The following CR1L variants were observed in gnomAD, a reference collection of about 807,000 sequenced individuals.
CR1L encodes the protein complement component receptor 1-like protein.
CR1L carries 59 observed loss-of-function variants against 62.3 expected under a neutral mutation model. That is an observed-to-expected ratio of 0.95 (90% CI 0.77 to 1.18). The LOEUF is 1.18. CR1L is among the 50% of genes most tolerant of loss of function. The probability of loss-of-function intolerance (pLI) is 0.00; values close to 1 mark genes in which losing one functional copy is unlikely to be tolerated. For synonymous variants in CR1L, 279 were observed against 248.7 expected (o/e 1.12, Z -1.15); for missense variants, 700 against 702.8 (o/e 1.00, Z 0.04).
At chr1:207,649,879 G>C (rs1481069225) in intron 1 of CR1L, among the ~76,000 whole-genome samples, 2 of 152,198 alleles carry the variant, frequency 1.3e-5, no homozygotes, top group Non-Finnish European at 2.9e-5. Context: ...GGCAAGATAG[G>C]TATGGAGACC....
intron 9 of CR1L, among the ~76,000 whole-genome samples, chr1:207,702,909 C>T (rs1664214408): frequency 6.6e-6 from 1 of 152,144 alleles, no homozygotes; most frequent in Admixed American, 6.5e-5. Context: ...ATGGTGAAAC[C>T]TCATATCTAC....
At chr1:207,715,541 G>A in intron 10 of CR1L, 1 of 473,892 alleles carries the variant, frequency 2.1e-6, no homozygotes, top group Non-Finnish European at 3.9e-6. Flanking sequence ...TTCAAGAAGG[G>A]TCTTGTAGGA....
At chr1:207,655,961 C>T (rs1663303375) in intron 1 of CR1L, among the ~76,000 whole-genome samples, 1 of 151,986 alleles carries the variant, frequency 6.6e-6, no homozygotes, top group African/African-American at 2.4e-5. Context: ...CACTTCTGCC[C>T]GGCGCAGTGG....
chr1:207,714,837 G>T (rs974699039), intron 10 of CR1L, among the ~76,000 whole-genome samples: 2 of 151,960 alleles, frequency 1.3e-5, no homozygotes, highest in African/African-American at 4.8e-5. Context: ...CCTCTTTCTG[G>T]CCTGTTACAT....
chr1:207,707,262 G>A (rs1664281539), intron 9 of CR1L, among the ~76,000 whole-genome samples: 1 of 152,186 alleles, frequency 6.6e-6, no homozygotes, highest in African/African-American at 2.4e-5. Flanking sequence ...GTTTGGGTCA[G>A]GTCATTTTAT....
In CR1L at chr1:207,708,226, T is replaced by C; in HGVS notation, c.1377T>C (p.Asn459=). 1 of 1,611,492 alleles carries C rather than the reference T, an allele frequency of 6.2e-7. No individual in the cohort carries two copies. Among genetic ancestry groups the C allele is most frequent in the African/African-American group, 1.3e-5 (1 of 74,978 alleles). The change falls in exon 10 of 12, where the codon AAT becomes AAC. Residue 459 remains asparagine, a synonymous_variant. Transcript: ENST00000508064. ...CTGCTGAATGTATCCTCTCGGGCAA[T>C]ACTGCCCATTGGAGCATGAAGCCAC... ...HSSAECILSG[N]TAHWSMKPPI... is the part of the protein sequence containing the mutation.
At chr1:207,713,652 G>A (rs919573243) in intron 10 of CR1L, among the ~76,000 whole-genome samples, 6 of 152,242 alleles carry the variant, frequency 3.9e-5, no homozygotes, top group African/African-American at 9.6e-5. Context: ...AGCTGGCCGC[G>A]CCAAGCACTG....
At chr1:207,715,478 T>G in intron 10 of CR1L, 1 of 856,440 alleles carries the variant, frequency 1.2e-6, no homozygotes, top group East Asian at 3.3e-5. Flanking sequence ...ATCACTTGTC[T>G]GGATCTTTAC....
intron 11 of CR1L, among the ~76,000 whole-genome samples, chr1:207,718,004 T>C (rs533570784): frequency 1.5e-4 from 23 of 152,314 alleles, no homozygotes; most frequent in African/African-American, 5.3e-4. Flanking sequence ...TGCTAAAGAA[T>C]GTACTCTTTT....
In CR1L at chr1:207,701,642, G is replaced by T. The variant is rs761593349; in HGVS notation, c.1328+24G>T. The stretch of plus-strand genomic sequence containing the variant: ...GGGTGAGTTGGCAGCAACATCTCTT[G>T]GTTCCAGAGTTCCAGCACAGCAATA... On this transcript the variant is annotated intron_variant, in intron 9 of 11. Transcript: ENST00000508064. The T allele has an allele frequency of 3.7e-6, 6 of 1,613,230 alleles. No homozygotes were observed. The East Asian group carries it at 1.3e-4, about 36-fold the overall frequency.
chr1:207,661,058 C>A (rs1484755470), intron 1 of CR1L, among the ~76,000 whole-genome samples: 1 of 152,218 alleles, frequency 6.6e-6, no homozygotes, highest in Non-Finnish European at 1.5e-5. Flanking sequence ...GAGCGCTTTA[C>A]TTCCAACTAT....
intron 1 of CR1L, among the ~76,000 whole-genome samples, chr1:207,674,646 G>A (rs1003162827): frequency 1.3e-5 from 2 of 152,146 alleles, no homozygotes; most frequent in Non-Finnish European, 2.9e-5. Flanking sequence ...TATTTGCTTT[G>A]TTGCTTTGAT....
rs181586836 is a variant in CR1L, at chr1:207,665,168, C to T, written c.98-12221C>T. ...TCCCGGGTTCCCGCCATTCTCCTGCCTCAGCCTCCCGAGTAGCTGGGGCTA... is the reference window on the plus strand; with the variant it reads ...TCCCGGGTTCCCGCCATTCTCCTGCTTCAGCCTCCCGAGTAGCTGGGGCTA... On this transcript the variant is annotated intron_variant, in intron 1 of 11. Coordinates refer to ENST00000508064, the MANE Select transcript of CR1L (RefSeq NM_175710.2). Among the ~76,000 whole-genome samples the T allele has an allele frequency of 1.6e-3, 242 of 152,172 alleles. 2 individuals are homozygous for T. The highest frequency in any genetic ancestry group is 3.8e-3 in the African/African-American group (159 of 41,536).
Position 207,708,243 on chromosome 1 carries a change from T to G in CR1L, c.1394T>G (p.Met465Arg). Reference sequence around the variant, plus strand: ...TCGGGCAATACTGCCCATTGGAGCATGAAGCCACCAATTTGTCAACGTGAG... The same window carrying G: ...TCGGGCAATACTGCCCATTGGAGCAGGAAGCCACCAATTTGTCAACGTGAG... ...ILSGNTAHWSMKPPICQQIFC... is the reference protein window; with the variant it reads ...ILSGNTAHWSRKPPICQQIFC... Residue 465 changes from methionine (M) to arginine (R), a missense_variant, in exon 10 of 12, where the codon ATG becomes AGG. Physicochemically the swap from Met to Arg is moderately conservative, Grantham distance 91 (BLOSUM62 -1). Coordinates refer to ENST00000508064, the MANE Select transcript of CR1L (RefSeq NM_175710.2). 1 of 1,611,430 alleles carries G rather than the reference T, an allele frequency of 6.2e-7. No homozygotes were observed. Among genetic ancestry groups the G allele is most frequent in the Non-Finnish European group, 8.5e-7 (1 of 1,179,390 alleles).
At chr1:207,702,275 A>G (rs1664205857) in intron 9 of CR1L, among the ~76,000 whole-genome samples, 2 of 152,180 alleles carry the variant, frequency 1.3e-5, no homozygotes, top group South Asian at 2.1e-4. Flanking sequence ...CTGCACCCAT[A>G]TAAGACAGAA....
At chr1:207,717,377 A>T in intron 10 of CR1L, 87 bp from the exon 11 acceptor site, 1 of 1,417,556 alleles carries the variant, frequency 7.1e-7, no homozygotes, top group East Asian at 2.3e-5. Context: ...AAAAAATTAT[A>T]TTCATAGCAC....
intron 11 of CR1L, among the ~76,000 whole-genome samples, chr1:207,720,451 T>C (rs1654109366): frequency 6.6e-6 from 1 of 152,132 alleles, no homozygotes; most frequent in African/African-American, 2.4e-5. Context: ...GGTCCAGGCT[T>C]GGAGTGACAT....
At chr1:207,678,520 GAA>G (rs1663741389) in intron 3 of CR1L, among the ~76,000 whole-genome samples, 1 of 152,204 alleles carries the variant, frequency 6.6e-6, no homozygotes, top group African/African-American at 2.4e-5. Context: ...GAGCATATAT[GAA>G]AAGTGTGGCA....
intron 9 of CR1L, among the ~76,000 whole-genome samples, chr1:207,705,116 G>A (rs1428306075): frequency 2.0e-5 from 3 of 152,158 alleles, no homozygotes; most frequent in Non-Finnish European, 4.4e-5. Context: ...TTCTGTTGCT[G>A]TCCTCAGATG....
Sources: gnomAD v4.1 joint callset for allele counts (sites outside exome capture counted in the v4.1 genomes callset) on GRCh38, gnomAD v4.1.1 for gene constraint, MANE v1.5 for transcripts, NCBI Gene and HGNC (gene_info 2026-07-23, HGNC 2026-07-21) for gene names.